GABRG3: variants seen among roughly 807,000 people sequenced by gnomAD.
GABRG3 encodes the protein gamma-aminobutyric acid receptor subunit gamma-3.
Under a neutral mutation model 48.8 loss-of-function variants are expected in GABRG3, and 25 were observed. The observed-to-expected ratio is 0.51, with a 90% confidence interval of 0.37 to 0.72. GABRG3 has a LOEUF of 0.72. GABRG3 is among the 30% of genes least tolerant of loss of function. The pLI is 0.00. For synonymous variants in GABRG3, 227 were observed against 217.6 expected (o/e 1.04, Z -0.38); for missense variants, 394 against 577.9 (o/e 0.68, Z 3.26).
At chr15:27,034,063 C>T (rs966702550) in intron 3 of GABRG3, among the ~76,000 whole-genome samples, 4 of 152,210 alleles carry the variant, frequency 2.6e-5, no homozygotes, top group Non-Finnish European at 4.4e-5. Flanking sequence ...CATTGTCATC[C>T]ACCTTAAAAT....
intron 2 of GABRG3, among the ~76,000 whole-genome samples, chr15:27,023,136 G>T (rs1895926808): frequency 6.6e-6 from 1 of 152,162 alleles, no homozygotes; most frequent in South Asian, 2.1e-4. Flanking sequence ...TAAACCGAAT[G>T]TATGGGACTC....
chr15:27,135,797 C>G (rs1489023184), intron 3 of GABRG3, among the ~76,000 whole-genome samples: 2 of 152,214 alleles, frequency 1.3e-5, no homozygotes, highest in Middle Eastern at 6.8e-3. Flanking sequence ...CCCAGCTACT[C>G]AGGAAGCTGA....
chr15:27,266,158 G>T (rs1890914889), intron 3 of GABRG3, among the ~76,000 whole-genome samples: 2 of 151,288 alleles, frequency 1.3e-5, no homozygotes, highest in African/African-American at 4.9e-5. Context: ...GGGATTACAG[G>T]CGTGAGCCAT....
intron 2 of GABRG3, among the ~76,000 whole-genome samples, chr15:27,008,066 A>T (rs1895620971): frequency 6.6e-6 from 1 of 152,204 alleles, no homozygotes. Flanking sequence ...GTTACATATG[A>T]CAGGTAACTG....
intron 2 of GABRG3, among the ~76,000 whole-genome samples, chr15:26,978,006 T>G (rs1894984351): frequency 6.6e-6 from 1 of 152,214 alleles, no homozygotes; most frequent in South Asian, 2.1e-4. Flanking sequence ...TATTTTTTAT[T>G]TTAGCTGCTC....
intron 3 of GABRG3, among the ~76,000 whole-genome samples, chr15:27,098,815 C>T (rs1897308764): frequency 6.6e-6 from 1 of 151,904 alleles, no homozygotes; most frequent in Non-Finnish European, 1.5e-5. Flanking sequence ...ATGTGTCATA[C>T]CAGAGAGTCT....
intron 6 of GABRG3, among the ~76,000 whole-genome samples, chr15:27,519,320 T>A (rs756197268): frequency 6.6e-6 from 1 of 152,180 alleles, no homozygotes; most frequent in East Asian, 1.9e-4. Flanking sequence ...TCTAGTCACA[T>A]CTGCATTGCT....
intron 5 of GABRG3, among the ~76,000 whole-genome samples, chr15:27,430,790 G>A (rs1595749751): frequency 6.6e-6 from 1 of 152,110 alleles, no homozygotes; most frequent in East Asian, 1.9e-4. Flanking sequence ...AGGAGTTCAT[G>A]ACCAGCCTGG....
At chr15:27,426,773 A>G (rs1360288523) in intron 5 of GABRG3, among the ~76,000 whole-genome samples, 1 of 152,218 alleles carries the variant, frequency 6.6e-6, no homozygotes, top group Non-Finnish European at 1.5e-5. Context: ...GTAGTGAGGT[A>G]TGATGCTGCC....
intron 3 of GABRG3, among the ~76,000 whole-genome samples, chr15:27,105,127 AG>A (rs1897427907): frequency 6.6e-6 from 1 of 152,188 alleles, no homozygotes; most frequent in African/African-American, 2.4e-5. Flanking sequence ...TAAAAGCAGG[AG>A]AAGCTATGGT....
chr15:27,335,688 A>C (rs1893940719), intron 5 of GABRG3, among the ~76,000 whole-genome samples: 1 of 152,200 alleles, frequency 6.6e-6, no homozygotes, highest in South Asian at 2.1e-4. Flanking sequence ...GGAGAGAACG[A>C]GGGGAGCACA....
chr15:27,259,846 C>T (rs951159553), intron 3 of GABRG3, among the ~76,000 whole-genome samples: 5 of 152,136 alleles, frequency 3.3e-5, no homozygotes, highest in South Asian at 2.1e-4. Flanking sequence ...GAAGATCAAA[C>T]GCCAAATTCA....
At chr15:27,421,419 T>C (rs904267744) in intron 5 of GABRG3, among the ~76,000 whole-genome samples, 4 of 152,386 alleles carry the variant, frequency 2.6e-5, no homozygotes, top group African/African-American at 9.6e-5. Flanking sequence ...ACATATCCAC[T>C]GAGTGTTCTA....
rs17137658 is a variant in GABRG3 at position 27,180,127 on chromosome 15, A to G, written c.271-146682A>G. Among the ~76,000 whole-genome samples the G allele has an allele frequency of 0.014, 2,193 of 152,274 alleles. 56 individuals are homozygous for G. Among genetic ancestry groups the G allele is most frequent in the African/African-American group, 0.05 (2,073 of 41,530 alleles). On this transcript the variant is annotated intron_variant, in intron 3 of 9. Transcript: ENST00000615808. The surrounding 1 kb of genome is among the most constrained non-coding windows in gnomAD (Gnocchi z 4.2). ...GTTGCACTTGTTTTACCAATCACAG[A>G]GCTCACAAAGAAGTTGTCCAGGCCC...
intron 5 of GABRG3, among the ~76,000 whole-genome samples, chr15:27,455,583 T>C (rs1416423915): frequency 1.3e-5 from 2 of 151,724 alleles, no homozygotes; most frequent in Non-Finnish European, 2.9e-5. Flanking sequence ...GTGGTGTGTA[T>C]GTGTGCTATG....
intron 5 of GABRG3, among the ~76,000 whole-genome samples, chr15:27,341,332 G>A (rs532722305): frequency 1.3e-5 from 2 of 152,092 alleles, no homozygotes; most frequent in Non-Finnish European, 2.9e-5. Context: ...TAGCTTCTTT[G>A]TGTGTTTTTG....
At chr15:27,318,807 C>G (rs114163516) in intron 3 of GABRG3, among the ~76,000 whole-genome samples, 1,726 of 152,194 alleles carry the variant, frequency 0.011, 37 homozygotes, top group African/African-American at 0.039. Context: ...TCTAAGGGTC[C>G]AAGGCAAGCC....
intron 2 of GABRG3, among the ~76,000 whole-genome samples, chr15:27,007,895 A>C (rs1895617383): frequency 6.6e-6 from 1 of 152,086 alleles, no homozygotes; most frequent in African/African-American, 2.4e-5. Flanking sequence ...ACTCTGCAGA[A>C]GCTCTTTAGT....
intron 3 of GABRG3, among the ~76,000 whole-genome samples, chr15:27,094,565 G>T (rs4555125): frequency 6.6e-6 from 1 of 152,118 alleles, no homozygotes; most frequent in South Asian, 2.1e-4. Flanking sequence ...GATTCCTGGG[G>T]CTCAGGAAAC....
Sources: allele counts gnomAD v4.1 joint callset (sites outside exome capture counted in the v4.1 genomes callset), GRCh38; gene constraint gnomAD v4.1.1; non-coding constraint Gnocchi (gnomAD v3.1); transcripts MANE v1.5; gene names NCBI Gene and HGNC (gene_info 2026-07-23, HGNC 2026-07-21).